The following ANKH variants were observed in gnomAD, a reference collection of about 807,000 sequenced individuals.
ANKH encodes the protein mineralization regulator ANKH.
ANKH carries 15 observed loss-of-function variants against 49.0 expected under a neutral mutation model. That is an observed-to-expected ratio of 0.31 (90% CI 0.20 to 0.47). The LOEUF (loss-of-function observed/expected upper bound fraction) is 0.47, where lower values mean the gene tolerates loss of function less well. ANKH is among the 20% of genes least tolerant of loss of function. The probability of loss-of-function intolerance (pLI) is 1.00; values close to 1 mark genes in which losing one functional copy is unlikely to be tolerated. For missense variants in ANKH, 429 were observed against 652.0 expected (o/e 0.66, Z 3.72); for synonymous variants, 273 against 260.0 (o/e 1.05, Z -0.48).
At chr5:14,719,036 GTCTCAGACTGAAAGA>G (rs1407884966) in intron 8 of ANKH, among the ~76,000 whole-genome samples, 1 of 152,140 alleles carries the variant, frequency 6.6e-6, no homozygotes, top group Non-Finnish European at 1.5e-5. Context: ...GACAGCGGAC[GTCTCAGACTGAAAGA>G]TACCAGTTTC....
At chr5:14,857,068 A>G (rs1735292299) in intron 1 of ANKH, among the ~76,000 whole-genome samples, 1 of 152,200 alleles carries the variant, frequency 6.6e-6, no homozygotes, top group African/African-American at 2.4e-5. Flanking sequence ...ACGGGGGAGT[A>G]AAACCAATAC....
At chr5:14,727,259 T>C (rs983181579) in intron 8 of ANKH, among the ~76,000 whole-genome samples, 1 of 152,256 alleles carries the variant, frequency 6.6e-6, no homozygotes, top group African/African-American at 2.4e-5. Context: ...ATAATAATTA[T>C]TATAAATCTT....
At chr5:14,742,877 A>G (rs153930) in intron 7 of ANKH, among the ~76,000 whole-genome samples, 46,039 of 152,160 alleles carry the variant, frequency 0.3, 8,194 homozygotes, top group African/African-American at 0.5. Context: ...CACCCCTGCA[A>G]AACGAGGGCC....
At chr5:14,866,022 C>T (rs1258090223) in intron 1 of ANKH, among the ~76,000 whole-genome samples, 2 of 152,148 alleles carry the variant, frequency 1.3e-5, no homozygotes, top group African/African-American at 4.8e-5. Flanking sequence ...TCATACAAGG[C>T]AATTTGAAAT....
Position 14,716,733 on chromosome 5 carries a change from G to A in ANKH, c.1114C>T (p.Arg372Trp), listed in dbSNP as rs1180838297. The change falls in exon 9 of 12, where the codon CGG becomes TGG. Residue 372 changes from arginine to tryptophan, a missense_variant. Arg to Trp is a moderately radical substitution (Grantham distance 101). This residue lies in a region of ANKH where 378 missense variants were observed against 615.3 expected (regional missense o/e 0.61). Transcript: ENST00000284268. The stretch of plus-strand genomic sequence containing the variant: ...GGAACTGGGAAGAAGGAGAAGATCC[G>A]CAAAGGAACAACACAGAGTTCTGCA... ...AFAELCVVPL[R>W]IFSFFPVPVT... 6.8e-6 allele frequency: 11 copies of A among 1,613,888 alleles called. No individual in the cohort carries two copies. Among genetic ancestry groups the A allele is most frequent in the South Asian group, 1.1e-5 (1 of 91,078 alleles).
intron 4 of ANKH, among the ~76,000 whole-genome samples, chr5:14,752,316 G>C (rs1738747813): frequency 6.6e-6 from 1 of 152,032 alleles, no homozygotes; most frequent in Non-Finnish European, 1.5e-5. Flanking sequence ...TCAAAAAAAA[G>C]TCACTAAAAA....
Position 14,725,838 on chromosome 5 carries a change from C to T in ANKH, c.1012-9003G>A, listed in dbSNP as rs1218667961. Among the ~76,000 whole-genome samples, 3 of 152,202 alleles carry T rather than the reference C, an allele frequency of 2.0e-5. No individual in the cohort carries two copies. Among genetic ancestry groups the T allele is most frequent in the Non-Finnish European group, 2.9e-5 (2 of 68,036 alleles). ...TTGGCTCACTGCAATCTCCGCTTCC[C>T]GGGTTCAAGAGATTCTCCCGCCTCA... On this transcript the variant is annotated intron_variant, in intron 8 of 11. Transcript: ENST00000284268. The surrounding 1 kb of genome is among the most constrained non-coding windows in gnomAD (Gnocchi z 4.0).
intron 1 of ANKH, among the ~76,000 whole-genome samples, chr5:14,821,860 C>G (rs1423261744): frequency 6.6e-6 from 1 of 152,172 alleles, no homozygotes; most frequent in Non-Finnish European, 1.5e-5. Flanking sequence ...CAGGAAATGA[C>G]TAACATTAGA....
chr5:14,795,979 G>A (rs761061065), intron 1 of ANKH, among the ~76,000 whole-genome samples: 6 of 152,098 alleles, frequency 3.9e-5, no homozygotes, highest in Non-Finnish European at 7.3e-5. Flanking sequence ...TTAGTGTCCT[G>A]TTTGGAGCCT....
rs531631752 is a variant in ANKH at position 14,710,528 on chromosome 5, C to T, written c.*669G>A. On this transcript the variant is annotated 3_prime_UTR_variant, in exon 12 of 12. Transcript: ENST00000284268. ...TTCAACCATGTCAGTTTGCTGCCCC[C>T]GGGGCATTTCAAACCAAACCTTTCT... 4.5e-5 allele frequency: 7 copies of T among 154,990 alleles called. No individual in the cohort carries two copies. Among genetic ancestry groups the T allele is most frequent in the African/African-American group, 4.8e-5 (2 of 41,566 alleles). The allele number at this position is 154,990 out of a possible 1,614,324, so 9.6% of individuals were successfully genotyped here.
rs1176957069 is a variant in ANKH, at chr5:14,710,341, C to T, written c.*856G>A. On this transcript the variant is annotated 3_prime_UTR_variant, in exon 12 of 12. Coordinates refer to ENST00000284268, the MANE Select transcript of ANKH (RefSeq NM_054027.6). ...GCTCTAATGCGACCTTCAGGAAAGG[C>T]GAGGGAAAAGCAAGCCTTCAGGAAA... The T allele has an allele frequency of 6.6e-6, 1 of 152,160 alleles. No homozygotes were observed. The highest frequency in any genetic ancestry group is 2.4e-5 in the African/African-American group (1 of 41,426). The allele number at this position is 152,160 out of a possible 1,614,324, so 9.4% of individuals were successfully genotyped here. A position where few individuals can be genotyped will look rare whatever the true frequency, so the allele number is the denominator to read the frequency against.
At chr5:14,806,618 C>G (rs554157521) in intron 1 of ANKH, among the ~76,000 whole-genome samples, 14 of 152,108 alleles carry the variant, frequency 9.2e-5, no homozygotes, top group African/African-American at 3.1e-4. Flanking sequence ...GACTGTGGAC[C>G]ATCAGGAGAA....
At position 14,730,580 on chromosome 5, in the gene ANKH, G is replaced by A. The variant is rs765421094; in HGVS notation, c.1011+11247C>T. Among the ~76,000 whole-genome samples the A allele has an allele frequency of 1.1e-3, 169 of 152,138 alleles. 2 individuals are homozygous for A. Among genetic ancestry groups the A allele is most frequent in the Non-Finnish European group, 9.7e-4 (66 of 68,028 alleles). ...CATCCATGCCTTCACCTGAGGGCAG[G>A]GGTTTGGAAGCCAGTCTCTTGCAGG... On this transcript the variant is annotated intron_variant, in intron 8 of 11. Coordinates refer to ENST00000284268, the MANE Select transcript of ANKH (RefSeq NM_054027.6).
chr5:14,720,145 T>C (rs1290779175), intron 8 of ANKH, among the ~76,000 whole-genome samples: 1 of 152,184 alleles, frequency 6.6e-6, no homozygotes, highest in East Asian at 1.9e-4. Context: ...TATAAATATG[T>C]TTTGCTTTGT....
chr5:14,759,869 G>C (rs1739022329), intron 2 of ANKH, among the ~76,000 whole-genome samples: 1 of 150,600 alleles, frequency 6.6e-6, no homozygotes, highest in Admixed American at 6.7e-5. Flanking sequence ...GAAAGAGAAG[G>C]AAAGGAAAAG....
intron 1 of ANKH, among the ~76,000 whole-genome samples, chr5:14,864,278 T>C (rs1735581429): frequency 6.6e-6 from 1 of 152,232 alleles, no homozygotes; most frequent in Non-Finnish European, 1.5e-5. Flanking sequence ...ATTTAAATAT[T>C]GTTTCTGTAT....
rs796770678 is a variant in ANKH at position 14,843,970 on chromosome 5, CT to C, written c.96+27381del. On this transcript the variant is annotated intron_variant, in intron 1 of 11. Coordinates refer to ENST00000284268, the MANE Select transcript of ANKH (RefSeq NM_054027.6). The stretch of plus-strand genomic sequence containing the variant: ...TTTTTAGTGGACACCACATTTTTCT[CT>C]TCCTCGAAGGAGAGAGGGATAAAAG... Among the ~76,000 whole-genome samples the C allele has an allele frequency of 4.7e-4, 72 of 152,282 alleles. 1 individual carries two copies. Among genetic ancestry groups the C allele is most frequent in the African/African-American group, 1.2e-3 (49 of 41,556 alleles).
Position 14,812,984 on chromosome 5 carries a change from T to C in ANKH, c.97-43793A>G, listed in dbSNP as rs1431414930. ...TAATCATCCTGGTCATATTAACATA[T>C]GGTTGAAGCACTTTGGGAGGTTAAG... On this transcript the variant is annotated intron_variant, in intron 1 of 11. Transcript: ENST00000284268. Among the ~76,000 whole-genome samples, 5 of 152,316 alleles carry C rather than the reference T, an allele frequency of 3.3e-5. 1 individual carries two copies. In the Middle Eastern group the frequency reaches 0.01, roughly 311 times the overall value.
chr5:14,719,181 CA>C (rs1737586355), intron 8 of ANKH, among the ~76,000 whole-genome samples: 2 of 152,316 alleles, frequency 1.3e-5, no homozygotes, highest in African/African-American at 4.8e-5. Flanking sequence ...TCAGGCTTCT[CA>C]ATAGCACTGA....
Sources: allele counts gnomAD v4.1 joint callset (sites outside exome capture counted in the v4.1 genomes callset), GRCh38; gene constraint gnomAD v4.1.1; regional missense constraint gnomAD v4.1.1; non-coding constraint Gnocchi (gnomAD v3.1); transcripts MANE v1.5; gene names NCBI Gene and HGNC (gene_info 2026-07-23, HGNC 2026-07-21).